Variants in CUBN observed in about 807,000 individuals in gnomAD.
CUBN encodes the protein 460 kDa receptor.
In CUBN, 282 loss-of-function variants were observed where a neutral mutation model predicts 405.3. The ratio of observed to expected loss-of-function variants is 0.70; its 90% CI spans 0.63 to 0.77. The LOEUF is 0.77. Among genes scored for constraint, CUBN ranks in the 30% least tolerant of loss-of-function variants. CUBN has a pLI of 0.00. For synonymous variants in CUBN, 1,684 were observed against 1,617.0 expected (o/e 1.04, Z -0.99); for missense variants, 4,514 against 4,475.2 (o/e 1.01, Z -0.25).
At chr10:16,839,987 A>G (rs1442164009) in intron 62 of CUBN, among the ~76,000 whole-genome samples, 1 of 148,624 alleles carries the variant, frequency 6.7e-6, no homozygotes, top group Non-Finnish European at 1.5e-5. Flanking sequence ...AACACCGCAT[A>G]TTCTCACTCA....
At chr10:16,907,409 TA>T in intron 49 of CUBN, 98 bp downstream of exon 49, 1 of 1,257,768 alleles carries the variant, frequency 8.0e-7, no homozygotes, top group Non-Finnish European at 1.2e-6. Flanking sequence ...CAAGTATCAC[TA>T]AAGGGAAAAT....
At chr10:17,068,572 G>C (rs1447654616) in intron 20 of CUBN, 33 bp downstream of exon 20, 7 of 1,550,998 alleles carry the variant, frequency 4.5e-6, no homozygotes, top group Admixed American at 1.7e-5. Context: ...ACAAGCCCAA[G>C]AGGAGGAAAA....
At chr10:16,932,003 C>T (rs985899414) in intron 40 of CUBN, among the ~76,000 whole-genome samples, 12 of 152,096 alleles carry the variant, frequency 7.9e-5, no homozygotes, top group Non-Finnish European at 1.6e-4. Context: ...TTTCAGTATG[C>T]ACAGGAAGGC....
At chr10:17,081,903 T>C (rs570554013) in intron 17 of CUBN, among the ~76,000 whole-genome samples, 50 of 152,326 alleles carry the variant, frequency 3.3e-4, no homozygotes, top group African/African-American at 1.1e-3. Context: ...AAAGATATAA[T>C]ATAAAAATCT....
At chr10:17,064,221 G>A (rs1835562152) in intron 22 of CUBN, among the ~76,000 whole-genome samples, 1 of 152,204 alleles carries the variant, frequency 6.6e-6, no homozygotes, top group African/African-American at 2.4e-5. Context: ...TCACACTCAG[G>A]ATTCTGGAGC....
chr10:17,056,370 G>A (rs527882926), intron 22 of CUBN, among the ~76,000 whole-genome samples: 1 of 152,222 alleles, frequency 6.6e-6, no homozygotes, highest in South Asian at 2.1e-4. Context: ...CAGCACTTTG[G>A]GAAGACGAGG....
At chr10:17,103,462 T>A (rs548558268) in intron 12 of CUBN, among the ~76,000 whole-genome samples, 2 of 152,308 alleles carry the variant, frequency 1.3e-5, no homozygotes, top group Admixed American at 1.3e-4. Context: ...CTCCATGAAC[T>A]GCCATGTCTT....
rs754408064 is a variant in CUBN, at chr10:17,122,918, A to G, written c.490-20T>C. Reference sequence around the variant, plus strand: ...AGGACCCTGTGATCATATAAGGAACAAAGTCAGGTGCCAAAGGTCACAGAG... The same window carrying G: ...AGGACCCTGTGATCATATAAGGAACGAAGTCAGGTGCCAAAGGTCACAGAG... On this transcript the variant is annotated intron_variant, in intron 5 of 66. Coordinates refer to ENST00000377833, the MANE Select transcript of CUBN (RefSeq NM_001081.4). 3.2e-6 allele frequency: 5 copies of G among 1,565,490 alleles called. No individual in the cohort carries two copies. Among genetic ancestry groups the G allele is most frequent in the Non-Finnish European group, 4.4e-6 (5 of 1,135,774 alleles).
At chr10:16,979,282 G>C (rs1385819029) in intron 31 of CUBN, among the ~76,000 whole-genome samples, 9 of 152,112 alleles carry the variant, frequency 5.9e-5, no homozygotes, top group Admixed American at 5.2e-4. Context: ...GTAATTTATA[G>C]ATTCAATGCT....
At chr10:17,056,587 C>T (rs1835401720) in intron 22 of CUBN, among the ~76,000 whole-genome samples, 2 of 151,436 alleles carry the variant, frequency 1.3e-5, no homozygotes, top group Admixed American at 1.3e-4. Flanking sequence ...CCAGCCTGGG[C>T]GACAGAGTGA....
At chr10:17,111,760 C>G (rs1836777301) in intron 8 of CUBN, among the ~76,000 whole-genome samples, 1 of 152,164 alleles carries the variant, frequency 6.6e-6, no homozygotes, top group Admixed American at 6.5e-5. Context: ...ACCATCTGTA[C>G]TAAAAATACA....
chr10:16,980,633 T>C lies in CUBN; in HGVS notation c.4695+1851A>G, dbSNP rs566887718. Among the ~76,000 whole-genome samples the C allele has an allele frequency of 3.6e-4, 55 of 151,514 alleles. 1 individual carries two copies. Among genetic ancestry groups the C allele is most frequent in the Admixed American group, 2.0e-3 (30 of 15,216 alleles). ...GCATATTCTCACTCGTAAGTGGGAGTTGAACAATGAGAACGCATGGACACA... is the reference window on the plus strand; with the variant it reads ...GCATATTCTCACTCGTAAGTGGGAGCTGAACAATGAGAACGCATGGACACA... On this transcript the variant is annotated intron_variant, in intron 31 of 66. Coordinates refer to ENST00000377833, the MANE Select transcript of CUBN (RefSeq NM_001081.4).
At chr10:16,900,574 A>G (rs761354222) in intron 53 of CUBN, 51 bp downstream of exon 53, 1 of 1,352,088 alleles carries the variant, frequency 7.4e-7, no homozygotes, top group East Asian at 2.3e-5. Context: ...TTATGAGTTC[A>G]TACTATACAT....
intron 27 of CUBN, among the ~76,000 whole-genome samples, chr10:17,033,849 G>C (rs561421355): frequency 6.6e-6 from 1 of 152,290 alleles, no homozygotes; most frequent in Non-Finnish European, 1.5e-5. Flanking sequence ...TTTAAGTATT[G>C]ACAATATCCC....
chr10:17,120,233 A>G (rs867936779), intron 6 of CUBN, among the ~76,000 whole-genome samples: 2 of 152,230 alleles, frequency 1.3e-5, no homozygotes, highest in Non-Finnish European at 2.9e-5. Flanking sequence ...TTGTTTCATT[A>G]CACGTGGATT....
intron 22 of CUBN, among the ~76,000 whole-genome samples, chr10:17,048,908 A>G (rs894008891): frequency 6.6e-6 from 1 of 152,232 alleles, no homozygotes; most frequent in Non-Finnish European, 1.5e-5. Flanking sequence ...AGGTTCTACT[A>G]TCTGTGTGTA....
At chr10:16,987,201 C>T (rs1833450554) in intron 29 of CUBN, among the ~76,000 whole-genome samples, 2 of 152,182 alleles carry the variant, frequency 1.3e-5, no homozygotes, top group African/African-American at 4.8e-5. Flanking sequence ...AGAGTGTTTC[C>T]ATGACCGAAA....
intron 10 of CUBN, among the ~76,000 whole-genome samples, chr10:17,107,507 T>G (rs1037040984): frequency 1.3e-5 from 2 of 148,790 alleles, no homozygotes; most frequent in African/African-American, 5.0e-5. Context: ...TTTTTTTTTT[T>G]TTTTTTTTGA....
intron 51 of CUBN, among the ~76,000 whole-genome samples, 178 bp from the exon 52 acceptor site, chr10:16,901,637 C>T (rs573746886): frequency 1.1e-4 from 16 of 151,916 alleles, no homozygotes; most frequent in Admixed American, 7.2e-4. Flanking sequence ...GCAAATCACC[C>T]GAGGTCAGGA....
Sources: gnomAD v4.1 joint callset for allele counts (sites outside exome capture counted in the v4.1 genomes callset) on GRCh38, gnomAD v4.1.1 for gene constraint, MANE v1.5 for transcripts, NCBI Gene and HGNC (gene_info 2026-07-23, HGNC 2026-07-21) for gene names.